The following TMEM132C variants were observed in gnomAD, a reference collection of about 807,000 sequenced individuals.
TMEM132C encodes transmembrane protein 132C.
TMEM132C carries 29 observed loss-of-function variants against 61.4 expected under a neutral mutation model. The observed-to-expected ratio is 0.47, with a 90% confidence interval of 0.35 to 0.64. The LOEUF (loss-of-function observed/expected upper bound fraction) is 0.64. TMEM132C is among the 30% of genes least tolerant of loss of function. The probability of loss-of-function intolerance (pLI) is 0.00; values close to 1 mark genes in which losing one functional copy is unlikely to be tolerated. For missense variants in TMEM132C, 1,408 were observed against 1,476.9 expected, an observed-to-expected ratio of 0.95 and a Z score of 0.76; for synonymous variants, 656 against 633.1, an observed-to-expected ratio of 1.04 and a Z score of -0.54.
At chr12:128,549,567 T>A (rs1241566173) in intron 3 of TMEM132C, among the ~76,000 whole-genome samples, 1 of 152,182 alleles carries the variant, frequency 6.6e-6, no homozygotes, top group African/African-American at 2.4e-5. Context: ...CCAGCTACCA[T>A]GCTGACAATC....
At chr12:128,574,004 G>A (rs1425035955) in intron 3 of TMEM132C, among the ~76,000 whole-genome samples, 2 of 151,936 alleles carry the variant, frequency 1.3e-5, no homozygotes, top group African/African-American at 4.8e-5. Flanking sequence ...TGCTGTTATT[G>A]GAAAAACAGA....
chr12:128,372,599 C>G (rs1614428), intron 1 of TMEM132C, among the ~76,000 whole-genome samples: 141,674 of 152,214 alleles, frequency 0.93, 66,814 homozygotes, highest in East Asian at 1. Flanking sequence ...TTACTCATAT[C>G]CTGTCTAGTT....
chr12:128,671,172 G>T (rs919346444), intron 5 of TMEM132C, among the ~76,000 whole-genome samples: 1 of 152,212 alleles, frequency 6.6e-6, no homozygotes, highest in African/African-American at 2.4e-5. Flanking sequence ...TGCTTTGGGG[G>T]CTACCACAGG....
intron 3 of TMEM132C, among the ~76,000 whole-genome samples, chr12:128,576,462 C>G (rs1875099708): frequency 6.6e-6 from 1 of 152,218 alleles, no homozygotes; most frequent in Non-Finnish European, 1.5e-5. Context: ...TGGGCAGCTT[C>G]TCTTTGTTCA....
At chr12:128,396,868 T>G (rs1160878574) in intron 1 of TMEM132C, among the ~76,000 whole-genome samples, 1 of 152,200 alleles carries the variant, frequency 6.6e-6, no homozygotes, top group Non-Finnish European at 1.5e-5. Flanking sequence ...CATTCTCTCC[T>G]GGGGTTTGCT....
intron 4 of TMEM132C, among the ~76,000 whole-genome samples, chr12:128,626,396 T>G (rs569530265): frequency 6.6e-6 from 1 of 150,822 alleles, no homozygotes; most frequent in Non-Finnish European, 1.5e-5. Flanking sequence ...TCCCAAAATG[T>G]GGGATTATAT....
At chr12:128,629,403 T>C (rs1187793816) in intron 4 of TMEM132C, among the ~76,000 whole-genome samples, 2 of 152,184 alleles carry the variant, frequency 1.3e-5, no homozygotes, top group South Asian at 4.2e-4. Context: ...CCTGGGAGGT[T>C]GAGGCTACAG....
chr12:128,295,971 A>G (rs939324885), intron 1 of TMEM132C, among the ~76,000 whole-genome samples: 1 of 152,180 alleles, frequency 6.6e-6, no homozygotes, highest in Admixed American at 6.5e-5. Flanking sequence ...AAGCAGTGAA[A>G]TGCATCTTGC....
chr12:128,618,573 G>A (rs919569208), intron 4 of TMEM132C, among the ~76,000 whole-genome samples: 1 of 152,120 alleles, frequency 6.6e-6, no homozygotes, highest in African/African-American at 2.4e-5. Flanking sequence ...ACATGTTGTG[G>A]GAGGGACTCG....
chr12:128,636,130 A>G (rs142093630), intron 4 of TMEM132C, among the ~76,000 whole-genome samples: 24 of 152,100 alleles, frequency 1.6e-4, no homozygotes, highest in African/African-American at 5.8e-4. Flanking sequence ...AGCCCACTGC[A>G]GTCTTGACCT....
At chr12:128,498,551 T>A (rs1170734204) in intron 2 of TMEM132C, among the ~76,000 whole-genome samples, 1 of 152,084 alleles carries the variant, frequency 6.6e-6, no homozygotes, top group Non-Finnish European at 1.5e-5. Context: ...GGTGCATGCC[T>A]GTAATCCCAG....
At chr12:128,677,298 T>C (rs1427441433) in intron 5 of TMEM132C, among the ~76,000 whole-genome samples, 2 of 152,148 alleles carry the variant, frequency 1.3e-5, no homozygotes, top group East Asian at 1.9e-4. Flanking sequence ...TGCCGGCCAT[T>C]TTCTAGGTAC....
intron 2 of TMEM132C, among the ~76,000 whole-genome samples, chr12:128,500,983 A>G (rs1872156138): frequency 6.6e-6 from 1 of 152,364 alleles, no homozygotes; most frequent in Non-Finnish European, 1.5e-5. Flanking sequence ...GAATAGCCAT[A>G]CTATGGACAG....
chr12:128,289,241 CAT>C (rs1473246981), intron 1 of TMEM132C, among the ~76,000 whole-genome samples: 7 of 152,210 alleles, frequency 4.6e-5, no homozygotes, highest in African/African-American at 1.4e-4. Context: ...CACCCTCTCA[CAT>C]GTTAACATAC....
At chr12:128,315,434 A>G (rs1256003465) in intron 1 of TMEM132C, among the ~76,000 whole-genome samples, 4 of 152,184 alleles carry the variant, frequency 2.6e-5, no homozygotes, top group African/African-American at 9.6e-5. Context: ...GAGTTTTAAA[A>G]TAAGGAAGAA....
intron 8 of TMEM132C, among the ~76,000 whole-genome samples, chr12:128,699,620 A>C (rs1040467973): frequency 6.6e-6 from 1 of 152,196 alleles, no homozygotes; most frequent in African/African-American, 2.4e-5. Context: ...CACCAGCTAG[A>C]GAAATCGCTC....
At chr12:128,297,898 A>G (rs913025238) in intron 1 of TMEM132C, among the ~76,000 whole-genome samples, 10 of 152,212 alleles carry the variant, frequency 6.6e-5, no homozygotes, top group African/African-American at 2.4e-4. Flanking sequence ...CATAAAGCAA[A>G]TGGAAGAAAA....
At chr12:128,276,970 A>C (rs1870714717) in intron 1 of TMEM132C, among the ~76,000 whole-genome samples, 1 of 151,976 alleles carries the variant, frequency 6.6e-6, no homozygotes, top group Admixed American at 6.6e-5. Context: ...TGATGATTTT[A>C]AGACAAAACA....
At chr12:128,591,866 A>G (rs1044297106) in intron 3 of TMEM132C, among the ~76,000 whole-genome samples, 9 of 152,054 alleles carry the variant, frequency 5.9e-5, no homozygotes, top group Admixed American at 5.9e-4. Flanking sequence ...AGCCTGGCCA[A>G]TGTGATGAAA....
Sources: gnomAD v4.1 joint callset for allele counts (sites outside exome capture counted in the v4.1 genomes callset) on GRCh38, gnomAD v4.1.1 for gene constraint, MANE v1.5 for transcripts, NCBI Gene and HGNC (gene_info 2026-07-23, HGNC 2026-07-21) for gene names.